FCHSD2: variants seen among roughly 807,000 people sequenced by gnomAD.
FCHSD2 encodes F-BAR and double SH3 domains protein 2.
Under a neutral mutation model 108.1 loss-of-function variants are expected in FCHSD2, and 38 were observed. That is an observed-to-expected ratio of 0.35 (90% CI 0.27 to 0.46). The LOEUF (loss-of-function observed/expected upper bound fraction) is 0.46. Ranked by LOEUF, FCHSD2 falls within the 20% of genes least tolerant of loss-of-function variation. The pLI, the probability that FCHSD2 is intolerant of heterozygous loss-of-function variation, is 1.00. For synonymous variants in FCHSD2, 279 were observed against 314.7 expected (o/e 0.89, Z 1.20); for missense variants, 751 against 897.8 (o/e 0.84, Z 2.09).
At chr11:73,029,639 G>A (rs1399965085) in intron 3 of FCHSD2, among the ~76,000 whole-genome samples, 2 of 152,148 alleles carry the variant, frequency 1.3e-5, no homozygotes, top group Non-Finnish European at 2.9e-5. Context: ...AGTCATTGCA[G>A]CACCCTTTCC....
intron 5 of FCHSD2, among the ~76,000 whole-genome samples, chr11:72,992,609 C>T (rs957786558): frequency 1.8e-4 from 27 of 152,264 alleles, no homozygotes; most frequent in Non-Finnish European, 3.7e-4. Context: ...TGCCACATAT[C>T]TACAACTATC....
At chr11:72,887,737 A>T (rs1432784669) in intron 11 of FCHSD2, among the ~76,000 whole-genome samples, 163 bp from the exon 12 acceptor site, 1 of 152,214 alleles carries the variant, frequency 6.6e-6, no homozygotes, top group Non-Finnish European at 1.5e-5. Context: ...TAGACTTACT[A>T]GTAACAAACT....
chr11:73,048,285 A>G (rs1410356344), intron 3 of FCHSD2, among the ~76,000 whole-genome samples: 1 of 152,132 alleles, frequency 6.6e-6, no homozygotes, highest in Non-Finnish European at 1.5e-5. Flanking sequence ...CGACACACAT[A>G]TGGGACCCAA....
At position 72,840,917 on chromosome 11, in the gene FCHSD2, G is replaced by A; in HGVS notation, c.2099C>T (p.Ser700Leu). ...ATATGAGGTCTCAGGAGTATGCCTT[G>A]ATGCCTGTGAGAATCCTGGTGACTC... ...HAESPGFSQASRHTPETSYGK... is the reference protein window; with the variant it reads ...HAESPGFSQALRHTPETSYGK... Residue 700 changes from serine to leucine, a missense_variant, in exon 19 of 20, where the codon TCA becomes TTA. By Grantham distance (145) the Ser-to-Leu change is moderately radical. Transcript: ENST00000409418. 1 of 1,613,360 alleles carries A rather than the reference G, an allele frequency of 6.2e-7. No homozygotes were observed. The highest frequency in any genetic ancestry group is 8.5e-7 in the Non-Finnish European group (1 of 1,179,356).
chr11:72,956,073 G>C (rs1318834676), intron 8 of FCHSD2, among the ~76,000 whole-genome samples: 1 of 152,162 alleles, frequency 6.6e-6, no homozygotes, highest in East Asian at 1.9e-4. Context: ...CTGCACCAGA[G>C]AGGAAGTGCT....
chr11:72,994,720 C>T (rs1857488633), intron 5 of FCHSD2, among the ~76,000 whole-genome samples: 1 of 151,942 alleles, frequency 6.6e-6, no homozygotes, highest in Admixed American at 6.6e-5. Flanking sequence ...GAGCCGAGAT[C>T]ATGCCACTGC....
intron 4 of FCHSD2, among the ~76,000 whole-genome samples, chr11:73,004,972 C>T (rs942051724): frequency 1.3e-5 from 2 of 152,184 alleles, no homozygotes; most frequent in African/African-American, 4.8e-5. Flanking sequence ...TGTCTCTGCA[C>T]CCATACATTA....
At chr11:72,991,126 T>G (rs894410176) in intron 5 of FCHSD2, among the ~76,000 whole-genome samples, 5 of 152,152 alleles carry the variant, frequency 3.3e-5, no homozygotes, top group African/African-American at 1.2e-4. Context: ...AACTGATAAA[T>G]TCCTCGACAC....
chr11:73,038,169 T>C (rs1858544688), intron 3 of FCHSD2, among the ~76,000 whole-genome samples: 1 of 152,024 alleles, frequency 6.6e-6, no homozygotes, highest in African/African-American at 2.4e-5. Context: ...CAAGGAGATC[T>C]GTCTCTATTA....
At chr11:72,864,484 G>A (rs992724284) in intron 13 of FCHSD2, among the ~76,000 whole-genome samples, 1 of 152,150 alleles carries the variant, frequency 6.6e-6, no homozygotes, top group African/African-American at 2.4e-5. Context: ...GGTTGAGACT[G>A]CAGTGAGCCA....
At chr11:73,099,703 T>C (rs1860172082) in intron 2 of FCHSD2, among the ~76,000 whole-genome samples, 1 of 152,254 alleles carries the variant, frequency 6.6e-6, no homozygotes, top group Non-Finnish European at 1.5e-5. Context: ...CTGGTTCTTC[T>C]GCACCCTCGG....
intron 5 of FCHSD2, among the ~76,000 whole-genome samples, chr11:72,994,206 G>A (rs1857477945): frequency 6.6e-6 from 1 of 152,152 alleles, no homozygotes; most frequent in Non-Finnish European, 1.5e-5. Flanking sequence ...CTGGCAAATT[G>A]TGTTTCCTGT....
chr11:73,003,062 C>T (rs1253486377), intron 4 of FCHSD2, among the ~76,000 whole-genome samples: 1 of 152,124 alleles, frequency 6.6e-6, no homozygotes, highest in Non-Finnish European at 1.5e-5. Context: ...CAAATCCTTT[C>T]ATTAAAAAGA....
chr11:73,129,480 T>C (rs997603859), intron 2 of FCHSD2, among the ~76,000 whole-genome samples: 8 of 152,164 alleles, frequency 5.3e-5, no homozygotes, highest in East Asian at 1.9e-4. Flanking sequence ...ACGAACCCTA[T>C]TGTGAACTGC....
chr11:72,869,196 C>T (rs1854796935), intron 12 of FCHSD2, among the ~76,000 whole-genome samples: 2 of 152,110 alleles, frequency 1.3e-5, no homozygotes, highest in Non-Finnish European at 2.9e-5. Flanking sequence ...CATGAGCCAC[C>T]TCACCCAGCC....
intron 8 of FCHSD2, among the ~76,000 whole-genome samples, chr11:72,964,300 C>T (rs117442324): frequency 1.2e-4 from 18 of 152,312 alleles, no homozygotes; most frequent in Admixed American, 2.6e-4. Context: ...GAATCATGTA[C>T]TATTGTCTTT....
intron 9 of FCHSD2, among the ~76,000 whole-genome samples, chr11:72,905,399 G>A (rs980695868): frequency 2.0e-5 from 3 of 151,982 alleles, no homozygotes; most frequent in Non-Finnish European, 2.9e-5. Context: ...ACCACCTCAA[G>A]CATTTATCCT....
chr11:72,963,733 T>C (rs779570087), intron 8 of FCHSD2, among the ~76,000 whole-genome samples: 13 of 152,134 alleles, frequency 8.5e-5, no homozygotes, highest in Non-Finnish European at 1.5e-4. Context: ...CAGTTCACAA[T>C]AGGGTTCTTA....
intron 9 of FCHSD2, among the ~76,000 whole-genome samples, chr11:72,912,046 G>T (rs1855775500): frequency 6.6e-6 from 1 of 152,248 alleles, no homozygotes; most frequent in Non-Finnish European, 1.5e-5. Flanking sequence ...TGAATATTTT[G>T]GTGGAGTCTT....
Sources: gnomAD v4.1 joint callset for allele counts (sites outside exome capture counted in the v4.1 genomes callset) on GRCh38, gnomAD v4.1.1 for gene constraint, MANE v1.5 for transcripts, NCBI Gene and HGNC (gene_info 2026-07-23, HGNC 2026-07-21) for gene names.